ANK3: variants seen among roughly 807,000 people sequenced by gnomAD.
ANK3 encodes the protein ankyrin-3.
Under a neutral mutation model 370.9 loss-of-function variants are expected in ANK3, and 57 were observed. The observed-to-expected ratio is 0.15, with a 90% CI of 0.12 to 0.19. ANK3 has a LOEUF of 0.19. ANK3 is among the 10% of genes least tolerant of loss of function. The pLI, the probability that ANK3 is intolerant of heterozygous loss-of-function variation, is 1.00. For synonymous variants in ANK3, 1,929 were observed against 1,946.3 expected (o/e 0.99, Z 0.23); for missense variants, 4,439 against 5,302.1 (o/e 0.84, Z 5.06).
chr10:60,200,333 T>G (rs908564303), intron 12 of ANK3, 106 bp from the exon 13 acceptor site: 1 of 807,960 alleles, frequency 1.2e-6, no homozygotes, highest in Non-Finnish European at 2.1e-6. Context: ...TAAAAAATAG[T>G]CCTAAGCACT....
At chr10:60,597,757 T>C (rs1010109480) in intron 2 of ANK3, among the ~76,000 whole-genome samples, 1 of 152,182 alleles carries the variant, frequency 6.6e-6, no homozygotes, top group East Asian at 1.9e-4. Flanking sequence ...CTTTTGGTTT[T>C]GTTTTTTGTT....
At chr10:60,583,511 G>GTTTTTTTTTTTTTT (rs750384975) in intron 2 of ANK3, among the ~76,000 whole-genome samples, 2 of 100,078 alleles carry the variant, frequency 2.0e-5, no homozygotes, top group African/African-American at 3.4e-5. Flanking sequence ...GAGGTTTTTT[G>GTTTTTTTTTTTTTT]TTTTTTGTTT....
chr10:60,387,428 T>A (rs2062540608), intron 1 of ANK3, among the ~76,000 whole-genome samples: 1 of 146,976 alleles, frequency 6.8e-6, no homozygotes, highest in Non-Finnish European at 1.5e-5. Flanking sequence ...AATAATTCAG[T>A]CTTAACTTTG....
At chr10:60,555,814 T>C (rs2077193604) in intron 2 of ANK3, among the ~76,000 whole-genome samples, 1 of 152,218 alleles carries the variant, frequency 6.6e-6, no homozygotes, top group Non-Finnish European at 1.5e-5. Context: ...GTCCCTGATA[T>C]GTGGGAATTT....
At chr10:60,380,337 C>T (rs1183055315) in intron 1 of ANK3, among the ~76,000 whole-genome samples, 4 of 152,088 alleles carry the variant, frequency 2.6e-5, no homozygotes, top group East Asian at 3.9e-4. Context: ...AGACTCATCT[C>T]GTGGAGCTCA....
intron 28 of ANK3, among the ~76,000 whole-genome samples, chr10:60,104,537 C>T (rs1195632026): frequency 6.6e-6 from 1 of 152,052 alleles, no homozygotes; most frequent in African/African-American, 2.4e-5. Context: ...ATTAAAACCA[C>T]CTGATTAGCA....
intron 2 of ANK3, among the ~76,000 whole-genome samples, chr10:60,575,621 A>G (rs1437982458): frequency 4.6e-5 from 7 of 152,210 alleles, no homozygotes; most frequent in East Asian, 1.9e-4. Context: ...TAACTTGATA[A>G]GTTCCAGACT....
In ANK3 at chr10:60,071,924, G is replaced by A. The variant is rs749889380; in HGVS notation, c.8957C>T (p.Pro2986Leu). ...CAATTTTTGTGATAGTTCATGTTTT[G>A]GAAATGCCGACTGTTCACAAAAACC... ...PDGFCEQSAFPKHELSQKLSQ... is the reference protein window; with the variant it reads ...PDGFCEQSAFLKHELSQKLSQ... The change falls in exon 37 of 44, where the codon CCA becomes CTA. Residue 2986 changes from proline (P) to leucine (L), a missense_variant. Pro to Leu is a moderately conservative substitution (Grantham distance 98, BLOSUM62 -3). Around this residue, in one of 13 missense-constraint regions of ANK3, gnomAD observed 1,601 missense variants for 1,731.7 expected, o/e 0.92. Transcript: ENST00000280772. 5 of 1,613,996 alleles carry A rather than the reference G, an allele frequency of 3.1e-6. No individual in the cohort carries two copies. The highest frequency in any genetic ancestry group is 8.5e-7 in the Non-Finnish European group (1 of 1,179,984).
intron 2 of ANK3, among the ~76,000 whole-genome samples, chr10:60,401,436 C>T (rs147706248): frequency 3.9e-4 from 60 of 152,178 alleles, no homozygotes; most frequent in Non-Finnish European, 7.4e-5. Flanking sequence ...ACTCAAAAAG[C>T]ACAGGATAAA....
At chr10:60,563,376 C>T (rs938148465) in intron 2 of ANK3, among the ~76,000 whole-genome samples, 12 of 152,188 alleles carry the variant, frequency 7.9e-5, no homozygotes, top group African/African-American at 2.9e-4. Flanking sequence ...GGCTCCCAGT[C>T]CCAGCTCAGA....
chr10:60,340,838 C>T (rs534901820), intron 1 of ANK3, among the ~76,000 whole-genome samples: 1 of 152,274 alleles, frequency 6.6e-6, no homozygotes, highest in Admixed American at 6.5e-5. Context: ...CTGATCTAAA[C>T]ACTTCATGTG....
chr10:60,469,625 GTATATATATATATA>G (rs36050397), intron 2 of ANK3, among the ~76,000 whole-genome samples: 1 of 1,772 alleles, frequency 5.6e-4, no homozygotes, highest in Non-Finnish European at 9.5e-4. Flanking sequence ...ATATATGGTG[GTATATATATATATA>G]TATATATATA....
At chr10:60,198,961 T>C (rs1466778101) in intron 13 of ANK3, among the ~76,000 whole-genome samples, 2 of 152,160 alleles carry the variant, frequency 1.3e-5, no homozygotes, top group African/African-American at 4.8e-5. Context: ...TGCCTTCCCA[T>C]AGACAAAAGC....
chr10:60,382,951 A>C (rs971818258), intron 1 of ANK3, among the ~76,000 whole-genome samples: 2 of 151,986 alleles, frequency 1.3e-5, no homozygotes, highest in African/African-American at 4.8e-5. Flanking sequence ...GATTTATTAA[A>C]ATTTGAATTA....
intron 23 of ANK3, among the ~76,000 whole-genome samples, chr10:60,152,624 G>A (rs1001464180): frequency 1.3e-5 from 2 of 152,106 alleles, no homozygotes; most frequent in African/African-American, 4.8e-5. Flanking sequence ...TTTTGTATTT[G>A]TACTACTTTA....
intron 6 of ANK3, among the ~76,000 whole-genome samples, chr10:60,262,417 A>G (rs2097821444): frequency 6.6e-6 from 1 of 152,186 alleles, no homozygotes; most frequent in South Asian, 2.1e-4. Context: ...TGGGGGGAAG[A>G]CGTACTACCA....
At chr10:60,101,890 T>C (rs1351039743) in intron 28 of ANK3, among the ~76,000 whole-genome samples, 1 of 152,058 alleles carries the variant, frequency 6.6e-6, no homozygotes, top group Non-Finnish European at 1.5e-5. Flanking sequence ...AGCTGACATA[T>C]ATGTGGCTCT....
intron 2 of ANK3, among the ~76,000 whole-genome samples, chr10:60,473,762 AAT>A (rs1322556613): frequency 6.6e-6 from 1 of 152,142 alleles, no homozygotes; most frequent in Non-Finnish European, 1.5e-5. Flanking sequence ...GGTGAATGGT[AAT>A]ATGACTTGGC....
chr10:60,431,495 G>T (rs911373528), intron 2 of ANK3, among the ~76,000 whole-genome samples: 16 of 152,194 alleles, frequency 1.1e-4, no homozygotes, highest in African/African-American at 3.9e-4. Context: ...ACAGGCCACA[G>T]ACCACTACTG....
Sources: gnomAD v4.1 joint callset for allele counts (sites outside exome capture counted in the v4.1 genomes callset) on GRCh38, gnomAD v4.1.1 for gene constraint, gnomAD v4.1.1 regional missense constraint, MANE v1.5 for transcripts, NCBI Gene and HGNC (gene_info 2026-07-23, HGNC 2026-07-21) for gene names.